Variants in NFATC1 observed in about 807,000 individuals in gnomAD.
NFATC1 encodes nuclear factor of activated T cells 1.
NFATC1 carries 22 observed loss-of-function variants against 76.0 expected under a neutral mutation model. That is an observed-to-expected ratio of 0.29 (90% CI 0.21 to 0.41). The LOEUF is 0.41. Among genes scored for constraint, NFATC1 ranks in the 10% least tolerant of loss-of-function variants. NFATC1 has a pLI of 1.00. For missense variants in NFATC1, 1,357 were observed against 1,337.7 expected (o/e 1.01, Z -0.23); for synonymous variants, 704 against 613.1 (o/e 1.15, Z -2.19).
intron 3 of NFATC1, among the ~76,000 whole-genome samples, chr18:79,434,679 A>G (rs929182073): frequency 6.6e-6 from 1 of 152,346 alleles, no homozygotes; most frequent in South Asian, 2.1e-4. Flanking sequence ...TTAGGGAATG[A>G]TGCAAGCCGG....
intron 9 of NFATC1, among the ~76,000 whole-genome samples, chr18:79,490,917 A>G (rs983172491): frequency 1.3e-5 from 2 of 152,102 alleles, no homozygotes; most frequent in Non-Finnish European, 2.9e-5. Flanking sequence ...TATGTCGGGA[A>G]AGCCTCACGC....
chr18:79,437,073 C>T (rs113088573), intron 3 of NFATC1, among the ~76,000 whole-genome samples: 2,408 of 152,222 alleles, frequency 0.016, 46 homozygotes, highest in African/African-American at 0.043. Context: ...GAGCCGTCTG[C>T]GAGGGGGTCT....
Position 79,524,799 on chromosome 18 carries a change from G to A in NFATC1, c.2783-2729G>A, listed in dbSNP as rs1226116337. Among the ~76,000 whole-genome samples the A allele has an allele frequency of 1.3e-5, 2 of 152,042 alleles. No homozygotes were observed. The highest frequency in any genetic ancestry group is 4.8e-5 in the African/African-American group (2 of 41,372). On this transcript the variant is annotated intron_variant, in intron 9 of 9. Coordinates refer to ENST00000427363, the MANE Select transcript of NFATC1 (RefSeq NM_001278669.2). The surrounding 1 kb of genome is among the most constrained non-coding windows in gnomAD (Gnocchi z 7.2). ...GACGGGCTCTCCCACCGAGGCTCAG[G>A]TGCTCGTGGGCAGCAAGGGGAAGCC...
At chr18:79,418,742 G>A (rs1600648667) in intron 2 of NFATC1, among the ~76,000 whole-genome samples, 1 of 152,218 alleles carries the variant, frequency 6.6e-6, no homozygotes, top group South Asian at 2.1e-4. Context: ...GGCAGCCCAC[G>A]GTTTTCTGCC....
intron 2 of NFATC1, among the ~76,000 whole-genome samples, chr18:79,425,588 C>G (rs1224144208): frequency 6.6e-6 from 1 of 152,256 alleles, no homozygotes; most frequent in Non-Finnish European, 1.5e-5. Context: ...ACCCAAACCA[C>G]TTAAACAAAG....
Position 79,484,569 on chromosome 18 carries a change from G to A in NFATC1, c.2093-1679G>A, listed in dbSNP as rs143594615. On this transcript the variant is annotated intron_variant, in intron 8 of 9. Transcript: ENST00000427363. ...GTGCAGGGCGGACGCTTTAAACCTC[G>A]ATCTTTCTACTCAGAGGGTGGATGA... is the stretch of plus-strand genomic sequence containing the variant. Among the ~76,000 whole-genome samples, 375 of 152,306 alleles carry A rather than the reference G, an allele frequency of 2.5e-3. 1 individual carries two copies. The highest frequency in any genetic ancestry group is 8.6e-3 in the African/African-American group (356 of 41,566).
intron 6 of NFATC1, among the ~76,000 whole-genome samples, chr18:79,460,655 T>G (rs1384862647): frequency 6.6e-6 from 1 of 152,242 alleles, no homozygotes; most frequent in East Asian, 1.9e-4. Flanking sequence ...CAAGAAGTTG[T>G]CAGAGGAAGG....
At chr18:79,439,589 C>T (rs763103062) in intron 3 of NFATC1, among the ~76,000 whole-genome samples, 3 of 152,212 alleles carry the variant, frequency 2.0e-5, no homozygotes, top group African/African-American at 4.8e-5. Flanking sequence ...AGCGCATAAA[C>T]GCACAGGGAA....
chr18:79,486,466 C>A lies in NFATC1; in HGVS notation c.2311C>A (p.Leu771Ile), dbSNP rs2089498651. 2 of 1,609,776 alleles carry A rather than the reference C, an allele frequency of 1.2e-6. No homozygotes were observed. Among genetic ancestry groups the A allele is most frequent in the African/African-American group, 1.3e-5 (1 of 74,918 alleles). The change falls in exon 9 of 10, where the codon CTT (leucine) becomes ATT (isoleucine). Residue 771 changes from leucine to isoleucine, a missense_variant. Coordinates refer to ENST00000427363, the MANE Select transcript of NFATC1 (RefSeq NM_001278669.2). ...APGVSPKLHD[L>I]SPAAYTKGVA... ...TGGCGTGAGCCCCAAGCTCCACGAC[C>A]TTTCTCCCGCTGCCTACACCAAGGG...
chr18:79,437,716 G>T (rs1312167408), intron 3 of NFATC1, among the ~76,000 whole-genome samples: 1 of 152,232 alleles, frequency 6.6e-6, no homozygotes, highest in Non-Finnish European at 1.5e-5. Context: ...GGCAGGCTCT[G>T]CCTGAGGGGG....
In NFATC1 at chr18:79,433,626, C is replaced by G. The variant is rs530515037; in HGVS notation, c.1274C>G (p.Pro425Arg). ...LDWQLPSHSG[P>R]YELRIEVQPK... Reference sequence around the variant, plus strand: ...TGGCAGCTGCCGTCCCACTCAGGCCCGTATGAGCTTCGGATTGAGGTGCAG... The same window carrying G: ...TGGCAGCTGCCGTCCCACTCAGGCCGGTATGAGCTTCGGATTGAGGTGCAG... Residue 425 changes from proline (P) to arginine (R), a missense_variant, in exon 3 of 10, where the codon CCG (proline) becomes CGG (arginine). Physicochemically the swap from Pro to Arg is moderately radical, Grantham distance 103. This residue lies in a region of NFATC1 where 691 missense variants were observed against 613.1 expected (regional missense o/e 1.13). Coordinates refer to ENST00000427363, the MANE Select transcript of NFATC1 (RefSeq NM_001278669.2). 32 of 1,613,002 alleles carry G rather than the reference C, an allele frequency of 2.0e-5. No homozygotes were observed. The highest frequency in any genetic ancestry group is 2.6e-5 in the Non-Finnish European group (31 of 1,179,940).
intron 2 of NFATC1, among the ~76,000 whole-genome samples, chr18:79,412,011 G>A (rs544049109): frequency 2.1e-4 from 32 of 152,340 alleles, no homozygotes; most frequent in African/African-American, 6.3e-4. Context: ...AGATGGGACC[G>A]CAGCTCAACA....
At chr18:79,500,698 A>G (rs961776362) in intron 9 of NFATC1, among the ~76,000 whole-genome samples, 2 of 152,194 alleles carry the variant, frequency 1.3e-5, no homozygotes, top group African/African-American at 4.8e-5. Flanking sequence ...CAAAAATCAA[A>G]AGGTTATAAG....
intron 9 of NFATC1, among the ~76,000 whole-genome samples, chr18:79,526,835 C>T (rs1255161078): frequency 2.6e-5 from 4 of 152,174 alleles, no homozygotes; most frequent in South Asian, 2.1e-4. Context: ...GGGCTCTGGG[C>T]GCTCCAGCCC....
intron 3 of NFATC1, among the ~76,000 whole-genome samples, chr18:79,445,762 G>A (rs1033965839): frequency 6.6e-6 from 1 of 152,190 alleles, no homozygotes; most frequent in African/African-American, 2.4e-5. Flanking sequence ...ACTCCAGGTC[G>A]CCTTGGCTCC....
chr18:79,452,264 G>A (rs146106441), intron 6 of NFATC1: 173 of 155,620 alleles, frequency 1.1e-3, no homozygotes, highest in African/African-American at 3.9e-3. Flanking sequence ...GGATGGGGTG[G>A]GTGCCGCAGA....
At chr18:79,425,059 C>CCG (rs796364038) in intron 2 of NFATC1, among the ~76,000 whole-genome samples, 1 of 73,704 alleles carries the variant, frequency 1.4e-5, no homozygotes, top group African/African-American at 1.0e-4. Context: ...CTCTGTTTCT[C>CCG]TCTCTGTTTC....
At chr18:79,424,559 CTCTCTG>C (rs1254467724) in intron 2 of NFATC1, among the ~76,000 whole-genome samples, 4 of 151,716 alleles carry the variant, frequency 2.6e-5, no homozygotes, top group Non-Finnish European at 4.4e-5. Context: ...GTCTCTGTCT[CTCTCTG>C]TCTCTGTCTC....
intron 2 of NFATC1, among the ~76,000 whole-genome samples, chr18:79,414,354 T>G (rs1387738468): frequency 6.6e-6 from 1 of 152,206 alleles, no homozygotes; most frequent in Admixed American, 6.5e-5. Flanking sequence ...GAACTGCTGC[T>G]CCATTAATCC....
Sources: allele counts gnomAD v4.1 joint callset (sites outside exome capture counted in the v4.1 genomes callset), GRCh38; gene constraint gnomAD v4.1.1; regional missense constraint gnomAD v4.1.1; non-coding constraint Gnocchi (gnomAD v3.1); transcripts MANE v1.5; gene names NCBI Gene and HGNC (gene_info 2026-07-23, HGNC 2026-07-21).